PIK3CA: variants seen among roughly 807,000 people sequenced by gnomAD.
PIK3CA encodes the protein phosphatidylinositol 4,5-bisphosphate 3-kinase catalytic subunit alpha isoform.
A neutral mutation model predicts 138.2 loss-of-function variants in PIK3CA; 27 were observed. That is an observed-to-expected ratio of 0.20 (90% CI 0.14 to 0.27). The LOEUF (loss-of-function observed/expected upper bound fraction) is 0.27. Among genes scored for constraint, PIK3CA ranks in the 10% least tolerant of loss-of-function variants. The pLI, the probability that PIK3CA is intolerant of heterozygous loss-of-function variation, is 1.00. For synonymous variants in PIK3CA, 358 were observed against 413.2 expected (o/e 0.87, Z 1.62); for missense variants, 544 against 1,277.4 (o/e 0.43, Z 8.75).
chr3:179,214,899 T>G (rs927632782), intron 9 of PIK3CA, among the ~76,000 whole-genome samples: 2 of 152,238 alleles, frequency 1.3e-5, no homozygotes, highest in African/African-American at 4.8e-5. Context: ...GCCATAGCTT[T>G]TGAACCACAG....
chr3:179,168,140 T>C (rs1723464541), intron 1 of PIK3CA, among the ~76,000 whole-genome samples: 1 of 152,212 alleles, frequency 6.6e-6, no homozygotes, highest in Non-Finnish European at 1.5e-5. Context: ...GCATGTGGTC[T>C]CTTCCTCTTT....
chr3:179,196,951 G>A (rs1724279501), intron 1 of PIK3CA, among the ~76,000 whole-genome samples: 1 of 152,162 alleles, frequency 6.6e-6, no homozygotes, highest in African/African-American at 2.4e-5. Flanking sequence ...TGGGTTAGAT[G>A]TTGATTGGTG....
At chr3:179,187,001 A>C (rs1032516836) in intron 1 of PIK3CA, among the ~76,000 whole-genome samples, 6 of 152,110 alleles carry the variant, frequency 3.9e-5, no homozygotes, top group Non-Finnish European at 5.9e-5. Context: ...CTCTTTATGC[A>C]AAAGATGCTA....
chr3:179,228,973 T>C (rs970775401), intron 17 of PIK3CA, among the ~76,000 whole-genome samples: 7 of 152,280 alleles, frequency 4.6e-5, no homozygotes, highest in Admixed American at 1.3e-4. Flanking sequence ...TTAACACATA[T>C]TTTTAAAATC....
chr3:179,229,700 G>A (rs1725169421), intron 18 of PIK3CA, among the ~76,000 whole-genome samples: 1 of 151,990 alleles, frequency 6.6e-6, no homozygotes, highest in South Asian at 2.1e-4. Context: ...TAAAACAAAT[G>A]AATATTGCAC....
In PIK3CA at chr3:179,168,714, A is replaced by T. The variant is rs559809678; in HGVS notation, c.-77+20111A>T. 1.5e-3 allele frequency among the ~76,000 whole-genome samples: 225 copies of T among 152,256 alleles called. 1 individual carries two copies. Among genetic ancestry groups the T allele is most frequent in the Middle Eastern group, 0.01 (3 of 294 alleles). On this transcript the variant is annotated intron_variant, in intron 1 of 20. Coordinates refer to ENST00000263967, the MANE Select transcript of PIK3CA (RefSeq NM_006218.4). ...TTTTTAAATTTTGCAAATATAGGTG[A>T]AATGTTATATCCTTATGATTTTATT... is the stretch of plus-strand genomic sequence containing the variant.
chr3:179,225,146 T>C (rs1725054459), intron 16 of PIK3CA, among the ~76,000 whole-genome samples: 1 of 151,990 alleles, frequency 6.6e-6, no homozygotes, highest in South Asian at 2.1e-4. Context: ...TTAATCAGTT[T>C]CTAATTATCA....
At chr3:179,160,951 C>CGT (rs1723263106) in intron 1 of PIK3CA, among the ~76,000 whole-genome samples, 2 of 135,506 alleles carry the variant, frequency 1.5e-5, no homozygotes, top group African/African-American at 6.3e-5. Flanking sequence ...TTCAATGTTA[C>CGT]ATAGTAGGCA....
At position 179,234,283 on chromosome 3, in the gene PIK3CA, A is replaced by G. The variant is rs1725282114; in HGVS notation, c.3126A>G (p.Gln1042=). Residue 1042 remains glutamine, a synonymous_variant, in exon 21 of 21, where the codon CAA becomes CAG. Coordinates refer to ENST00000263967, the MANE Select transcript of PIK3CA (RefSeq NM_006218.4). This position sits in a 1 kb window ranked among gnomAD's most constrained non-coding sequence, Gnocchi z 5.1. ...EQEALEYFMK[Q]MNDAHHGGWT... ...AGGCTTTGGAGTATTTCATGAAACA[A>G]ATGAATGATGCACATCATGGTGGCT... 6.2e-7 allele frequency: 1 copy of G among 1,613,616 alleles called. No individual in the cohort carries two copies. The highest frequency in any genetic ancestry group is 1.1e-5 in the South Asian group (1 of 91,066).
chr3:179,225,813 G>T (rs920944539), intron 16 of PIK3CA, 149 bp from the exon 17 acceptor site: 2 of 490,690 alleles, frequency 4.1e-6, no homozygotes, highest in African/African-American at 1.9e-5. Flanking sequence ...TAAATTTTTT[G>T]AAAAGAAATC....
intron 7 of PIK3CA, among the ~76,000 whole-genome samples, 164 bp downstream of exon 7, chr3:179,209,864 G>A (rs1211012849): frequency 6.6e-6 from 1 of 152,032 alleles, no homozygotes; most frequent in Non-Finnish European, 1.5e-5. Flanking sequence ...TACCTTGGGA[G>A]AGCTTCAGGA....
chr3:179,211,391 C>T (rs1724705873), intron 9 of PIK3CA, among the ~76,000 whole-genome samples: 1 of 152,218 alleles, frequency 6.6e-6, no homozygotes, highest in Non-Finnish European at 1.5e-5. Flanking sequence ...GCTATGTAGG[C>T]TGGGTGCAGT....
intron 1 of PIK3CA, among the ~76,000 whole-genome samples, chr3:179,150,468 C>A (rs1722988259): frequency 6.6e-6 from 1 of 151,920 alleles, no homozygotes; most frequent in African/African-American, 2.4e-5. Flanking sequence ...AATGAAACAC[C>A]TGTAAATATA....
chr3:179,154,817 C>CA lies in PIK3CA; in HGVS notation c.-77+6215dup, dbSNP rs768567378. On this transcript the variant is annotated intron_variant, in intron 1 of 20. Transcript: ENST00000263967. ...GACAATGTACTCATTTCTCAAGCATCACTTTGGTAGTTAGCTTGATAATTT... is the reference window on the plus strand; with the variant it reads ...GACAATGTACTCATTTCTCAAGCATCAACTTTGGTAGTTAGCTTGATAATTT... Among the ~76,000 whole-genome samples, 4 of 152,236 alleles carry CA rather than the reference C, an allele frequency of 2.6e-5. No homozygotes were observed. In the East Asian group the frequency reaches 5.8e-4, roughly 22 times the overall value.
rs1724727982 is a variant in PIK3CA, at chr3:179,212,112, A to G, written c.1539+1547A>G. Among the ~76,000 whole-genome samples, 5 of 151,792 alleles carry G rather than the reference A, an allele frequency of 3.3e-5. 1 individual carries two copies. The South Asian group carries it at 1.0e-3, about 32-fold the overall frequency. On this transcript the variant is annotated intron_variant, in intron 9 of 20. Coordinates refer to ENST00000263967, the MANE Select transcript of PIK3CA (RefSeq NM_006218.4). The stretch of plus-strand genomic sequence containing the variant: ...AACCTCTGCCTCCCGGGTTCAAGTG[A>G]TCCTCCTGCCTCAGCCTCCTGAGTA...
At chr3:179,211,157 T>C (rs1394159472) in intron 9 of PIK3CA, among the ~76,000 whole-genome samples, 1 of 152,106 alleles carries the variant, frequency 6.6e-6, no homozygotes, top group South Asian at 2.1e-4. Flanking sequence ...TATACACAAA[T>C]CTATTATAAA....
At chr3:179,165,080 C>T (rs1723384124) in intron 1 of PIK3CA, among the ~76,000 whole-genome samples, 1 of 152,114 alleles carries the variant, frequency 6.6e-6, no homozygotes, top group African/African-American at 2.4e-5. Context: ...CCTTTCTACT[C>T]TCCTCTTTTA....
chr3:179,221,179 T>C (rs755173925), intron 14 of PIK3CA, 22 bp downstream of exon 14: 1 of 1,594,422 alleles, frequency 6.3e-7, no homozygotes, highest in East Asian at 2.2e-5. Flanking sequence ...TAGTTTGTGT[T>C]TGAGACTCTT....
rs1217782080 is a variant in PIK3CA at position 179,230,479 on chromosome 3, G to A, written c.2936+103G>A. 8.8e-6 allele frequency: 9 copies of A among 1,027,096 alleles called. No individual in the cohort carries two copies. In the Admixed American group the frequency reaches 1.1e-4, roughly 12 times the overall value. 63.6% of individuals were successfully genotyped at this position (1,027,096 alleles called of 1,614,324 possible). On this transcript the variant is annotated intron_variant, in intron 20 of 20. Transcript: ENST00000263967. This position sits in a 1 kb window ranked among gnomAD's most constrained non-coding sequence, Gnocchi z 5.4. ...TTTCAAAATAATAAATGTTGGCTGG[G>A]TGTGGTGGTTCATGCCTGTAATCCC...
Sources: gnomAD v4.1 joint callset for allele counts (sites outside exome capture counted in the v4.1 genomes callset) on GRCh38, gnomAD v4.1.1 for gene constraint, Gnocchi (gnomAD v3.1) non-coding constraint, MANE v1.5 for transcripts, NCBI Gene and HGNC (gene_info 2026-07-23, HGNC 2026-07-21) for gene names.